Variants in HERC6 observed in about 807,000 individuals in gnomAD.
HERC6 encodes the protein HECT and RLD domain containing E3 ubiquitin protein ligase family member 6.
A neutral mutation model predicts 114.5 loss-of-function variants in HERC6; 101 were observed. The observed-to-expected ratio is 0.88, with a 90% CI of 0.75 to 1.04. The LOEUF (loss-of-function observed/expected upper bound fraction) is 1.04, where lower values mean the gene tolerates loss of function less well. Ranked by LOEUF, HERC6 falls within the 50% of genes least tolerant of loss-of-function variation. HERC6 has a pLI of 0.00. For missense variants in HERC6, 1,133 were observed against 1,230.9 expected (o/e 0.92, Z 1.19); for synonymous variants, 408 against 436.2 (o/e 0.94, Z 0.81).
chr4:88,427,965 A>C (rs1181753756), intron 15 of HERC6, among the ~76,000 whole-genome samples: 1 of 152,268 alleles, frequency 6.6e-6, no homozygotes, highest in East Asian at 1.9e-4. Context: ...GAAAAGCTAA[A>C]GAGAAGTACT....
chr4:88,405,884 T>C (rs1735790865), intron 10 of HERC6, among the ~76,000 whole-genome samples: 1 of 152,222 alleles, frequency 6.6e-6, no homozygotes, highest in South Asian at 2.1e-4. Context: ...TTTCAGGATC[T>C]TTGTATATAC....
chr4:88,405,139 C>CT, intron 9 of HERC6, 142 bp downstream of exon 9: 3 of 992,044 alleles, frequency 3.0e-6, no homozygotes, highest in African/African-American at 1.6e-5. Context: ...CTTAGTGTGA[C>CT]TAGGTCATCA....
intron 22 of HERC6, among the ~76,000 whole-genome samples, chr4:88,441,964 T>C (rs898171239): frequency 6.6e-6 from 1 of 152,148 alleles, no homozygotes; most frequent in African/African-American, 2.4e-5. Context: ...TCCTTTAAGC[T>C]CCTAACCTCA....
intron 2 of HERC6, among the ~76,000 whole-genome samples, chr4:88,384,408 G>C (rs1734474700): frequency 6.6e-6 from 1 of 152,136 alleles, no homozygotes; most frequent in South Asian, 2.1e-4. Flanking sequence ...AAACCACTGG[G>C]CCCTAACATT....
At position 88,404,857 on chromosome 4, in the gene HERC6, G is replaced by A. The variant is rs1421660320; in HGVS notation, c.1093-19G>A. On this transcript the variant is annotated intron_variant, in intron 8 of 22. Transcript: ENST00000264346. Reference sequence around the variant, plus strand: ...CGTGTGTGTGTTCCTGATCATTCTTGTTTCTTCCTTCCCTGAAGGATACTA... The same window carrying A: ...CGTGTGTGTGTTCCTGATCATTCTTATTTCTTCCTTCCCTGAAGGATACTA... 6.2e-7 allele frequency: 1 copy of A among 1,611,596 alleles called. No individual in the cohort carries two copies. Among genetic ancestry groups the A allele is most frequent in the Admixed American group, 1.7e-5 (1 of 59,790 alleles).
At chr4:88,398,061 A>C (rs1394819523) in intron 7 of HERC6, 81 bp from the exon 8 acceptor site, 4 of 811,352 alleles carry the variant, frequency 4.9e-6, no homozygotes, top group East Asian at 2.9e-5. Context: ...CCAGTAAGTA[A>C]ATAAATTTTT....
Position 88,408,634 on chromosome 4 carries a change from A to T in HERC6, c.1368+17A>T. 7.0e-7 allele frequency: 1 copy of T among 1,429,858 alleles called. No individual in the cohort carries two copies. The highest frequency in any genetic ancestry group is 9.7e-7 in the Non-Finnish European group (1 of 1,031,804). The allele number at this position is 1,429,858 out of a possible 1,614,324, so 88.6% of individuals were successfully genotyped here. A position where few individuals can be genotyped will look rare whatever the true frequency, so the allele number is the denominator to read the frequency against. On this transcript the variant is annotated intron_variant, in intron 11 of 22. Coordinates refer to ENST00000264346, the MANE Select transcript of HERC6 (RefSeq NM_017912.4). ...TCTTCCATGGTAATAGCCAATACTT[A>T]CTTTAGATATAGAACAAATACGATT...
Position 88,440,159 on chromosome 4 carries a change from T to C in HERC6, c.2751T>C (p.Tyr917=). Residue 917 remains tyrosine (Y), a synonymous_variant, in exon 22 of 23, where the codon TAT becomes TAC. Transcript: ENST00000264346. ...CTCTTTCTCTCAAGAATTCAAAGTA[T>C]GAGCAAGGATACCAAAAATCACATC... ...DWKQFEQNSK[Y]EQGYQKSHPT... 2.5e-6 allele frequency: 4 copies of C among 1,608,768 alleles called. No homozygotes were observed. Among genetic ancestry groups the C allele is most frequent in the Non-Finnish European group, 3.4e-6 (4 of 1,176,548 alleles).
chr4:88,440,312 T>C, intron 22 of HERC6, 62 bp downstream of exon 22: 1 of 998,582 alleles, frequency 1.0e-6, no homozygotes, highest in African/African-American at 1.6e-5. Flanking sequence ...TACAGTCTTG[T>C]TTAGAATGAA....
chr4:88,424,521 C>A (rs544802952), intron 14 of HERC6, 74 bp from the exon 15 acceptor site: 1 of 1,098,856 alleles, frequency 9.1e-7, no homozygotes, highest in Non-Finnish European at 1.3e-6. Context: ...AAAAAAAAGG[C>A]GATAAGGTAA....
intron 1 of HERC6, among the ~76,000 whole-genome samples, chr4:88,379,911 A>G (rs1441531856): frequency 4.9e-5 from 1 of 20,450 alleles, no homozygotes; most frequent in Non-Finnish European, 7.1e-5. Context: ...AATATATATA[A>G]TATATAAATA....
At chr4:88,441,151 C>T (rs1333356839) in intron 22 of HERC6, among the ~76,000 whole-genome samples, 1 of 152,084 alleles carries the variant, frequency 6.6e-6, no homozygotes, top group Non-Finnish European at 1.5e-5. Context: ...CCTTTTATCT[C>T]ATGTTCCTAT....
intron 8 of HERC6, among the ~76,000 whole-genome samples, chr4:88,403,702 C>T (rs1402865443): frequency 6.6e-6 from 1 of 151,830 alleles, no homozygotes; most frequent in East Asian, 1.9e-4. Context: ...TGCAGTGAGC[C>T]AAGATCATGC....
intron 1 of HERC6, among the ~76,000 whole-genome samples, chr4:88,383,003 T>G (rs1336720384): frequency 6.6e-6 from 1 of 152,204 alleles, no homozygotes; most frequent in African/African-American, 2.4e-5. Flanking sequence ...CTGTTGATTA[T>G]TTTAACAGAG....
intron 1 of HERC6, among the ~76,000 whole-genome samples, chr4:88,379,766 A>C (rs1410003848): frequency 1.0e-5 from 1 of 98,232 alleles, no homozygotes; most frequent in Non-Finnish European, 1.8e-5. Context: ...AAATATATAT[A>C]ATATATAAAT....
rs577664637 is a variant in HERC6, at chr4:88,423,597, C to G, written c.1714-263C>G. ...TATTCTCAAAATCTAGAAACTATTTCCAGTAAATCTATGCCCTAAAAATTA... is the reference window on the plus strand; with the variant it reads ...TATTCTCAAAATCTAGAAACTATTTGCAGTAAATCTATGCCCTAAAAATTA... On this transcript the variant is annotated intron_variant, in intron 13 of 22. Coordinates refer to ENST00000264346, the MANE Select transcript of HERC6 (RefSeq NM_017912.4). Among the ~76,000 whole-genome samples the G allele has an allele frequency of 2.0e-5, 3 of 152,252 alleles. No homozygotes were observed. The East Asian group carries it at 5.8e-4, about 29-fold the overall frequency.
rs764150220 is a variant in HERC6 at position 88,379,163 on chromosome 4, C to T, written c.199+43C>T. ...GGTGCAGGGTGTGAGGACCCCAGTA[C>T]ATGGGCGCGGGGGCTTGGGTACCGG... is the stretch of plus-strand genomic sequence containing the variant. On this transcript the variant is annotated intron_variant, in intron 1 of 22. Coordinates refer to ENST00000264346, the MANE Select transcript of HERC6 (RefSeq NM_017912.4). The T allele has an allele frequency of 3.5e-6, 5 of 1,441,860 alleles. No individual in the cohort carries two copies. The South Asian group carries it at 5.1e-5, about 15-fold the overall frequency. 89.3% of individuals were successfully genotyped at this position (1,441,860 alleles called of 1,614,324 possible).
At chr4:88,431,600 T>C (rs1560571522) in intron 17 of HERC6, among the ~76,000 whole-genome samples, 1 of 152,202 alleles carries the variant, frequency 6.6e-6, no homozygotes, top group Non-Finnish European at 1.5e-5. Context: ...AAATTATACT[T>C]GAGAAATAAT....
Position 88,413,084 on chromosome 4 carries a change from C to T in HERC6, c.1376C>T (p.Thr459Met), listed in dbSNP as rs760790750. The T allele has an allele frequency of 1.4e-5, 22 of 1,604,742 alleles. No homozygotes were observed. Among genetic ancestry groups the T allele is most frequent in the East Asian group, 1.1e-4 (5 of 44,752 alleles). The change falls in exon 12 of 23, where the codon ACG (threonine) becomes ATG (methionine). Residue 459 changes from threonine to methionine, a missense_variant. Physicochemically the swap from Thr to Met is moderately conservative, Grantham distance 81. Around this residue, in one of 3 missense-constraint regions of HERC6, gnomAD observed 735 missense variants for 754.0 expected, o/e 0.97. Coordinates refer to ENST00000264346, the MANE Select transcript of HERC6 (RefSeq NM_017912.4). The stretch of plus-strand genomic sequence containing the variant: ...ATCCTATTTTTACCACAGATAACTA[C>T]GTGTCTCGAGGATGATCTGCTCAGA... ...KKEWISSMIT[T>M]CLEDDLLRAL... is the part of the protein sequence containing the mutation.
Sources: gnomAD v4.1 joint callset for allele counts (sites outside exome capture counted in the v4.1 genomes callset) on GRCh38, gnomAD v4.1.1 for gene constraint, gnomAD v4.1.1 regional missense constraint, MANE v1.5 for transcripts, NCBI Gene and HGNC (gene_info 2026-07-23, HGNC 2026-07-21) for gene names.